Variants in PAPLN observed in about 807,000 individuals in gnomAD.
The protein encoded by PAPLN is papilin.
In PAPLN, 146 loss-of-function variants were observed where a neutral mutation model predicts 159.0. That is an observed-to-expected ratio of 0.92 (90% CI 0.80 to 1.05). The LOEUF is 1.05. Ranked by LOEUF, PAPLN falls within the 50% of genes least tolerant of loss-of-function variation. The pLI is 0.00. For missense variants in PAPLN, 1,720 were observed against 1,743.9 expected (o/e 0.99, Z 0.24); for synonymous variants, 734 against 702.9 (o/e 1.04, Z -0.70).
chr14:73,272,906 A>G lies in PAPLN; in HGVS notation c.*242A>G, dbSNP rs1479811967. 2 of 377,856 alleles carry G rather than the reference A, an allele frequency of 5.3e-6. No individual in the cohort carries two copies. The highest frequency in any genetic ancestry group is 4.1e-5 in the African/African-American group (2 of 48,370). 23.4% of individuals were successfully genotyped at this position (377,856 alleles called of 1,614,324 possible). A position where few individuals can be genotyped will look rare whatever the true frequency, so the allele number is the denominator to read the frequency against. On this transcript the variant is annotated 3_prime_UTR_variant, in exon 27 of 27. Coordinates refer to ENST00000644200, the MANE Select transcript of PAPLN (RefSeq NM_001365906.3). Reference sequence around the variant, plus strand: ...ACAGGCTGCTGTTTTCAAGAAGAGCAATCTGTTTGGATAAGAAAAACCTTT... The same window carrying G: ...ACAGGCTGCTGTTTTCAAGAAGAGCGATCTGTTTGGATAAGAAAAACCTTT...
upstream of PAPLN, among the ~76,000 whole-genome samples, chr14:73,236,243 G>T (rs925724953): frequency 2.6e-5 from 4 of 152,260 alleles, no homozygotes; most frequent in African/African-American, 9.6e-5. Flanking sequence ...GATCACATGC[G>T]TTGAGCCCCT....
In PAPLN at chr14:73,263,643, A is replaced by G; in HGVS notation, c.2724-2A>G. 2 of 1,613,714 alleles carry G rather than the reference A, an allele frequency of 1.2e-6. No homozygotes were observed. The highest frequency in any genetic ancestry group is 2.2e-5 in the South Asian group (2 of 91,088). On this transcript the variant is annotated splice_acceptor_variant, in intron 19 of 26. Coordinates refer to ENST00000644200, the MANE Select transcript of PAPLN (RefSeq NM_001365906.3). LOFTEE classifies it high-confidence loss of function. ...AGCAGATCTCACTTCCCACCTCTCC[A>G]GGATTAGCTTGGCAGGTGTGGAGCC...
At chr14:73,253,577 C>T (rs1276633207) in intron 11 of PAPLN, among the ~76,000 whole-genome samples, 177 bp from the exon 12 acceptor site, 3 of 152,098 alleles carry the variant, frequency 2.0e-5, no homozygotes, top group East Asian at 3.9e-4. Context: ...GAGCCAGGCC[C>T]GGTGGTGGGG....
Position 73,267,438 on chromosome 14 carries a change from C to T in PAPLN, c.3500+607C>T, listed in dbSNP as rs189687045. ...CCAGAGTACTCCCGGGCAGATGGCC[C>T]AGTGTCCCAGGAGCTCCAGATGTGT... On this transcript the variant is annotated intron_variant, in intron 25 of 26. Coordinates refer to ENST00000644200, the MANE Select transcript of PAPLN (RefSeq NM_001365906.3). 1.8e-3 allele frequency among the ~76,000 whole-genome samples: 273 copies of T among 152,328 alleles called. 1 individual carries two copies. Among genetic ancestry groups the T allele is most frequent in the African/African-American group, 6.3e-3 (260 of 41,576 alleles).
Position 73,252,698 on chromosome 14 carries a change from C to T in PAPLN, c.1017C>T (p.Pro339=), listed in dbSNP as rs776818190. 31 of 1,613,360 alleles carry T rather than the reference C, an allele frequency of 1.9e-5. No homozygotes were observed. In the South Asian group the frequency reaches 2.0e-4, roughly 10 times the overall value. The change falls in exon 11 of 27, where the codon CCC becomes CCT. Residue 339 remains proline, a synonymous_variant. Coordinates refer to ENST00000644200, the MANE Select transcript of PAPLN (RefSeq NM_001365906.3). ...GCACCATCGACCATGAGGCCTACCCCGACCACATGTGCCAGCGCCAGCCAC... is the reference window on the plus strand; with the variant it reads ...GCACCATCGACCATGAGGCCTACCCTGACCACATGTGCCAGCGCCAGCCAC... The part of the protein sequence containing the change: ...VFCTIDHEAY[P]DHMCQRQPRP...
intron 25 of PAPLN, chr14:73,268,324 C>G (rs1205004958): frequency 2.2e-6 from 1 of 458,076 alleles, no homozygotes; most frequent in African/African-American, 2.0e-5. Context: ...TAGCAGAAAA[C>G]AACCTCGCCA....
At chr14:73,261,408 C>G in intron 18 of PAPLN, 114 bp downstream of exon 18, 2 of 1,406,332 alleles carry the variant, frequency 1.4e-6, no homozygotes, top group Non-Finnish European at 1.9e-6. Flanking sequence ...TCATTCATTC[C>G]TACCACAAAT....
In PAPLN at chr14:73,268,567, C is replaced by T; in HGVS notation, c.3511C>T (p.Pro1171Ser). The T allele has an allele frequency of 6.2e-7, 1 of 1,612,312 alleles. No individual in the cohort carries two copies. Among genetic ancestry groups the T allele is most frequent in the South Asian group, 1.1e-5 (1 of 90,820 alleles). The change falls in exon 26 of 27, where the codon CCT (proline) becomes TCT (serine). Residue 1171 changes from proline (P) to serine (S), a missense_variant. Pro to Ser is a moderately conservative substitution (Grantham distance 74, BLOSUM62 -1). Coordinates refer to ENST00000644200, the MANE Select transcript of PAPLN (RefSeq NM_001365906.3). ...TCCTCTCTCCTCCAGGAACGGGCTA[C>T]CTGTGCAGGCTGATGGCCACCGTGT... is the stretch of plus-strand genomic sequence containing the variant. ...VNIRWSRNGL[P>S]VQADGHRVHQ...
chr14:73,268,396 C>T, intron 25 of PAPLN, 161 bp from the exon 26 acceptor site: 1 of 694,230 alleles, frequency 1.4e-6, no homozygotes. Context: ...GTAACCCAAC[C>T]TAGAAACCTT....
chr14:73,253,471 G>T (rs1014570464), intron 11 of PAPLN, among the ~76,000 whole-genome samples: 5 of 151,478 alleles, frequency 3.3e-5, no homozygotes, highest in African/African-American at 1.2e-4. Context: ...CTGACTGGGA[G>T]ACAGGGACCT....
Position 73,259,545 on chromosome 14 carries a change from G to T in PAPLN, c.1985G>T (p.Arg662Met). The T allele has an allele frequency of 6.4e-7, 1 of 1,551,850 alleles. No homozygotes were observed. The highest frequency in any genetic ancestry group is 8.7e-7 in the Non-Finnish European group (1 of 1,148,396). The change falls in exon 16 of 27, where the codon AGG (arginine) becomes ATG (methionine). Residue 662 changes from arginine to methionine, a missense_variant and splice_region_variant. Arg to Met is a moderately conservative substitution (Grantham distance 91). Coordinates refer to ENST00000644200, the MANE Select transcript of PAPLN (RefSeq NM_001365906.3). ...CCTGGGGCCCCCTGTCAGCAGAGCA[G>T]GTGGGTGCTGGAGACAGGTCTTCCT... ...GCPGAPCQQS[R>M]YGCCPDRVSV...
At position 73,264,646 on chromosome 14, in the gene PAPLN, C is replaced by G; in HGVS notation, c.3045C>G (p.Asp1015Glu). ...TGAGCCGCTTCCCTCAGCCCAGGGA[C>G]CCAGCTCAGGACTTTGGCCAAGCGG... ...AELSRFPQPR[D>E]PAQDFGQAGA... Residue 1015 changes from aspartate (D) to glutamate (E), a missense_variant, in exon 22 of 27, where the codon GAC (aspartate) becomes GAG (glutamate). By Grantham distance (45) the Asp-to-Glu change is conservative. Transcript: ENST00000644200. 1 of 1,605,830 alleles carries G rather than the reference C, an allele frequency of 6.2e-7. No homozygotes were observed. Among genetic ancestry groups the G allele is most frequent in the Non-Finnish European group, 8.5e-7 (1 of 1,177,974 alleles).
chr14:73,252,486 C>T (rs1232934756), intron 10 of PAPLN, among the ~76,000 whole-genome samples, 163 bp from the exon 11 acceptor site: 1 of 152,202 alleles, frequency 6.6e-6, no homozygotes, highest in Non-Finnish European at 1.5e-5. Context: ...GCCTCAGTTT[C>T]CTCATCTGCC....
In PAPLN at chr14:73,262,455, A is replaced by G. The variant is rs758614888; in HGVS notation, c.2351A>G (p.Tyr784Cys). 2.5e-6 allele frequency: 4 copies of G among 1,612,634 alleles called. No individual in the cohort carries two copies. The Admixed American group carries it at 5.0e-5, about 20-fold the overall frequency. The change falls in exon 19 of 27, where the codon TAT becomes TGT. Residue 784 changes from tyrosine to cysteine, a missense_variant. Tyr to Cys is a radical substitution (Grantham distance 194). Transcript: ENST00000644200. ...ASVGQCNRFW[Y>C]GGCHGNANNF... ...GTGGGCCAATGTAACCGCTTCTGGTATGGCGGCTGCCATGGCAATGCCAAT... is the reference window on the plus strand; with the variant it reads ...GTGGGCCAATGTAACCGCTTCTGGTGTGGCGGCTGCCATGGCAATGCCAAT...
intron 18 of PAPLN, among the ~76,000 whole-genome samples, chr14:73,261,532 G>A (rs1235251635): frequency 6.6e-6 from 1 of 152,246 alleles, no homozygotes; most frequent in Non-Finnish European, 1.5e-5. Flanking sequence ...GGTGGGAGGT[G>A]GGGATCCCAA....
intron 25 of PAPLN, 114 bp downstream of exon 25, chr14:73,266,945 AG>A: frequency 9.7e-7 from 1 of 1,028,450 alleles, no homozygotes; most frequent in South Asian, 1.5e-5. Flanking sequence ...TCCGGCTTCC[AG>A]GCCTGGTGCC....
intron 5 of PAPLN, among the ~76,000 whole-genome samples, chr14:73,247,820 GT>G (rs1221697453): frequency 3.7e-5 from 5 of 135,918 alleles, no homozygotes; most frequent in East Asian, 5.0e-4. Flanking sequence ...GTGTGTGTGT[GT>G]GTGTGTGTGT....
In PAPLN at chr14:73,250,891, G is replaced by A. The variant is rs770333380; in HGVS notation, c.466-16G>A. On this transcript the variant is annotated splice_polypyrimidine_tract_variant and intron_variant, in intron 6 of 26. Coordinates refer to ENST00000644200, the MANE Select transcript of PAPLN (RefSeq NM_001365906.3). ...CATGATGCCGTCTCCCCTGCCTCCC[G>A]CATCTCTGCCCACAGGTTGTCGGCT... 6.2e-6 allele frequency: 10 copies of A among 1,603,172 alleles called. No homozygotes were observed. In the African/African-American group the frequency reaches 8.0e-5, roughly 13 times the overall value.
At chr14:73,258,638 A>AAAAAAAAG in intron 14 of PAPLN, among the ~76,000 whole-genome samples, 1 of 149,352 alleles carries the variant, frequency 6.7e-6, no homozygotes, top group South Asian at 2.1e-4. Context: ...AAAAAAAAAA[A>AAAAAAAAG]GTAGTCCCAG....
Sources: gnomAD v4.1 joint callset for allele counts (sites outside exome capture counted in the v4.1 genomes callset) on GRCh38, gnomAD v4.1.1 for gene constraint, MANE v1.5 for transcripts, NCBI Gene and HGNC (gene_info 2026-07-23, HGNC 2026-07-21) for gene names.